KLF12: variants seen among roughly 807,000 people sequenced by gnomAD.
The protein encoded by KLF12 is Krueppel-like factor 12.
In KLF12, 9 loss-of-function variants were observed where a neutral mutation model predicts 37.8. The ratio of observed to expected loss-of-function variants is 0.24; its 90% confidence interval spans 0.14 to 0.42. KLF12 has a LOEUF of 0.42. Ranked by LOEUF, KLF12 falls within the 10% of genes least tolerant of loss-of-function variation. KLF12 has a pLI of 1.00. For synonymous variants in KLF12, 208 were observed against 202.1 expected, an observed-to-expected ratio of 1.03 and a Z score of -0.25; for missense variants, 411 against 516.0, an observed-to-expected ratio of 0.80 and a Z score of 1.97.
the KLF12 span, among the ~76,000 whole-genome samples, chr13:74,150,667 C>A: frequency 6.6e-6 from 1 of 152,122 alleles, no homozygotes; most frequent in Admixed American, 6.5e-5. Context: ...GAATTCCCAG[C>A]GTCAGTATTC....
In KLF12 at chr13:74,005,629, G is replaced by A. The variant is rs145007640; in HGVS notation, c.-31-10576C>T. Among the ~76,000 whole-genome samples the A allele has an allele frequency of 1.1e-4, 17 of 149,668 alleles. No homozygotes were observed. In the East Asian group the frequency reaches 2.5e-3, roughly 22 times the overall value. On this transcript the variant is annotated intron_variant, in intron 1 of 7. Coordinates refer to ENST00000377669, the MANE Select transcript of KLF12 (RefSeq NM_007249.5). ...AGTAGATGACAACTTACTAGAAATC[G>A]GGAATACAGCTATGAAGTATTACAC... is the stretch of plus-strand genomic sequence containing the variant.
At chr13:73,988,097 T>C (rs915762482) in intron 2 of KLF12, among the ~76,000 whole-genome samples, 11 of 152,246 alleles carry the variant, frequency 7.2e-5, no homozygotes, top group Admixed American at 4.6e-4. Flanking sequence ...ATTCTGCCAC[T>C]TCCAGTAGAT....
chr13:73,966,732 C>A (rs144356282), intron 2 of KLF12, among the ~76,000 whole-genome samples: 1 of 152,178 alleles, frequency 6.6e-6, no homozygotes, highest in Non-Finnish European at 1.5e-5. Flanking sequence ...AAGTCTTCTA[C>A]CCAGCAACGA....
Position 74,011,239 on chromosome 13 carries a change from C to CAA in KLF12, c.-31-16188_-31-16187dup, listed in dbSNP as rs58892976. On this transcript the variant is annotated intron_variant, in intron 1 of 7. Transcript: ENST00000377669. The stretch of plus-strand genomic sequence containing the variant: ...CGATTTCAGAAAGCACAAGTCAGAG[C>CAA]AAAAAAAAAAAAAAAAAAGCCATGG... 5.2e-3 allele frequency among the ~76,000 whole-genome samples: 292 copies of CAA among 56,020 alleles called. 2 individuals carry two copies. Among genetic ancestry groups the CAA allele is most frequent in the African/African-American group, 7.1e-3 (126 of 17,648 alleles). The allele number at this position is 56,020 out of a possible 152,430, so 36.8% of individuals were successfully genotyped here. A position where few individuals can be genotyped will look rare whatever the true frequency, so the allele number is the denominator to read the frequency against.
intron 2 of KLF12, among the ~76,000 whole-genome samples, chr13:73,970,321 T>G (rs933361817): frequency 3.9e-5 from 6 of 152,076 alleles, no homozygotes; most frequent in Non-Finnish European, 8.8e-5. Context: ...CAAGGCACTT[T>G]ATAAATCATA....
In KLF12 at chr13:73,995,708, C is replaced by T. The variant is rs1208856531; in HGVS notation, c.-31-655G>A. Among the ~76,000 whole-genome samples, 3 of 151,990 alleles carry T rather than the reference C, an allele frequency of 2.0e-5. No individual in the cohort carries two copies. In the East Asian group the frequency reaches 5.8e-4, roughly 29 times the overall value. On this transcript the variant is annotated intron_variant, in intron 1 of 7. Transcript: ENST00000377669. ...CTAAAAGGTCCAAAATCTCCAGGAC[C>T]ATTAGGATATCACCAAATCATTAAA...
intron 3 of KLF12, among the ~76,000 whole-genome samples, chr13:73,862,201 A>G (rs1885964828): frequency 6.6e-6 from 1 of 152,072 alleles, no homozygotes; most frequent in Admixed American, 6.6e-5. Flanking sequence ...TGCTACTGTT[A>G]GCTAAATCTA....
rs1279628991 is a variant in KLF12, at chr13:73,738,118, T to TACACACACAC, written c.870-22594_870-22593insGTGTGTGTGT. On this transcript the variant is annotated intron_variant, in intron 6 of 7. Transcript: ENST00000377669. Reference sequence around the variant, plus strand: ...ATATATATATATATATATATATATATATATATACACACACACACATATATA... The same window carrying TACACACACAC: ...ATATATATATATATATATATATATATACACACACACATATATACACACACACACATATATA... 6.5e-3 allele frequency among the ~76,000 whole-genome samples: 421 copies of TACACACACAC among 65,184 alleles called. 2 individuals are homozygous for TACACACACAC. Among genetic ancestry groups the TACACACACAC allele is most frequent in the Middle Eastern group, 0.018 (2 of 110 alleles). The allele number at this position is 65,184 out of a possible 152,430, so 42.8% of individuals were successfully genotyped here.
At chr13:74,078,598 T>C (rs1377808856) in intron 1 of KLF12, among the ~76,000 whole-genome samples, 1 of 152,256 alleles carries the variant, frequency 6.6e-6, no homozygotes, top group Non-Finnish European at 1.5e-5. Context: ...AATATATGTA[T>C]ACACCCACAT....
At chr13:74,238,554 T>C in the KLF12 span, among the ~76,000 whole-genome samples, 3 of 135,674 alleles carry the variant, frequency 2.2e-5, no homozygotes, top group Admixed American at 2.1e-4. Flanking sequence ...AATTCGGCTG[T>C]GAATCCATCT....
chr13:73,846,648 T>C lies in KLF12; in HGVS notation c.124-275A>G, dbSNP rs1566413226. On this transcript the variant is annotated intron_variant, in intron 3 of 7. Transcript: ENST00000377669. ...AAAATACTATGAAATCAGTGCTCTATGAAGGAGAAAAGAGGCCATATGAAT... is the reference window on the plus strand; with the variant it reads ...AAAATACTATGAAATCAGTGCTCTACGAAGGAGAAAAGAGGCCATATGAAT... Among the ~76,000 whole-genome samples, 3 of 152,244 alleles carry C rather than the reference T, an allele frequency of 2.0e-5. No individual in the cohort carries two copies. The East Asian group carries it at 5.8e-4, about 29-fold the overall frequency.
the KLF12 span, among the ~76,000 whole-genome samples, chr13:74,214,792 TC>T: frequency 6.6e-6 from 1 of 152,098 alleles, no homozygotes; most frequent in African/African-American, 2.4e-5. Context: ...TGAGGAAAAT[TC>T]CTTTAACCAT....
At chr13:74,217,597 T>C in the KLF12 span, among the ~76,000 whole-genome samples, 3 of 152,030 alleles carry the variant, frequency 2.0e-5, no homozygotes, top group Admixed American at 2.0e-4. Flanking sequence ...CGTGGTGGTG[T>C]GCACCTGTTA....
At chr13:74,297,214 C>T in the KLF12 span, among the ~76,000 whole-genome samples, 1 of 152,072 alleles carries the variant, frequency 6.6e-6, no homozygotes, top group Non-Finnish European at 1.5e-5. Flanking sequence ...GAAATTGATC[C>T]CTGGAATAGC....
chr13:74,038,949 ATAAC>A (rs1168958126), intron 1 of KLF12, among the ~76,000 whole-genome samples: 5 of 152,028 alleles, frequency 3.3e-5, no homozygotes, highest in African/African-American at 1.2e-4. Flanking sequence ...TTGAATATCT[ATAAC>A]TAGCAAAAAA....
At chr13:74,125,154 A>AAAAT (rs72043748) in intron 1 of KLF12, among the ~76,000 whole-genome samples, 15 of 143,286 alleles carry the variant, frequency 1.0e-4, no homozygotes, top group African/African-American at 2.8e-4. Flanking sequence ...CAAAAAAAAA[A>AAAAT]ATATATATAT....
the KLF12 span, among the ~76,000 whole-genome samples, chr13:74,298,489 G>A: frequency 6.6e-6 from 1 of 152,326 alleles, no homozygotes. Flanking sequence ...GAACAGGGCA[G>A]ATACAGAATG....
At chr13:74,123,544 A>G in intron 1 of KLF12, among the ~76,000 whole-genome samples, 1 of 152,218 alleles carries the variant, frequency 6.6e-6, no homozygotes, top group East Asian at 1.9e-4. Flanking sequence ...GCCTTGGCAC[A>G]TGGTAAATGC....
intron 5 of KLF12, among the ~76,000 whole-genome samples, chr13:73,808,433 C>A (rs1336701040): frequency 6.6e-6 from 1 of 152,070 alleles, no homozygotes; most frequent in African/African-American, 2.4e-5. Context: ...TCAGTTCAAG[C>A]ACACAGTTTA....
Sources: gnomAD v4.1 joint callset for allele counts (sites outside exome capture counted in the v4.1 genomes callset) on GRCh38, gnomAD v4.1.1 for gene constraint, MANE v1.5 for transcripts, NCBI Gene and HGNC (gene_info 2026-07-23, HGNC 2026-07-21) for gene names.